The following SAMMSON variants were observed in gnomAD, a reference collection of about 807,000 sequenced individuals.
SAMMSON encodes the protein long intergenic non-protein coding RNA 1212.
chr3:70,188,804 G>GCCTC (rs1701110087), intron 4 of SAMMSON, among the ~76,000 whole-genome samples: 1 of 152,174 alleles, frequency 6.6e-6, no homozygotes, highest in Non-Finnish European at 1.5e-5. Context: ...GGCTCAGAGA[G>GCCTC]GTTTAGTTAC....
intron 7 of SAMMSON, among the ~76,000 whole-genome samples, chr3:70,301,423 A>G (rs1702347692): frequency 1.3e-5 from 2 of 152,072 alleles, no homozygotes; most frequent in Non-Finnish European, 1.5e-5. Context: ...TCTGAATCCT[A>G]TGGTAAACAG....
In SAMMSON at chr3:70,003,832, T is replaced by G. The variant is rs1255705463; in HGVS notation, n.22+3965T>G. ...TTAGTAAGTATCTGGTGACAAATTC[T>G]TCTAGTCTTTTAGAATGAAAATGTC... is the stretch of plus-strand genomic sequence containing the variant. On this transcript the variant is annotated intron_variant and non_coding_transcript_variant, in intron 1 of 9. Coordinates refer to ENST00000642114, the Ensembl canonical transcript of SAMMSON. Among the ~76,000 whole-genome samples, 4 of 152,070 alleles carry G rather than the reference T, an allele frequency of 2.6e-5. No individual in the cohort carries two copies. In the East Asian group the frequency reaches 7.7e-4, roughly 29 times the overall value.
chr3:70,077,810 A>G (rs1443959224), intron 4 of SAMMSON, among the ~76,000 whole-genome samples: 1 of 152,136 alleles, frequency 6.6e-6, no homozygotes, highest in Non-Finnish European at 1.5e-5. Flanking sequence ...TCCATTAGTA[A>G]TAGATACGCT....
downstream of SAMMSON, among the ~76,000 whole-genome samples, chr3:70,390,604 T>C (rs531807723): frequency 6.6e-6 from 1 of 152,068 alleles, no homozygotes; most frequent in East Asian, 1.9e-4. Context: ...TGACCAGATC[T>C]TGTGAGAACT....
chr3:70,207,441 A>G (rs2106725200), intron 4 of SAMMSON, among the ~76,000 whole-genome samples: 1 of 152,152 alleles, frequency 6.6e-6, no homozygotes, highest in Admixed American at 6.6e-5. Context: ...CACAATAGCT[A>G]GAGATGTTCA....
At chr3:70,191,825 A>G (rs767600810) in intron 4 of SAMMSON, among the ~76,000 whole-genome samples, 22 of 151,732 alleles carry the variant, frequency 1.4e-4, no homozygotes, top group Non-Finnish European at 2.9e-4. Flanking sequence ...ACCTTGTGAT[A>G]ATTGGTTATT....
chr3:70,098,348 G>A (rs150573694), intron 4 of SAMMSON, among the ~76,000 whole-genome samples: 1 of 152,090 alleles, frequency 6.6e-6, no homozygotes, highest in Non-Finnish European at 1.5e-5. Flanking sequence ...ACTGCCACCT[G>A]AGTGAGCTCT....
chr3:70,014,546 A>G (rs1046429330), intron 3 of SAMMSON: 2 of 152,208 alleles, frequency 1.3e-5, no homozygotes, highest in African/African-American at 2.4e-5. Context: ...AGCCAAATCC[A>G]TATGCATCGG....
At chr3:70,246,780 T>TA (rs1701711466) in intron 4 of SAMMSON, among the ~76,000 whole-genome samples, 1 of 152,068 alleles carries the variant, frequency 6.6e-6, no homozygotes, top group South Asian at 2.1e-4. Context: ...ATCATTGGTA[T>TA]AAAAAACATT....
At chr3:70,375,222 C>T (rs1290450733) in intron 9 of SAMMSON, among the ~76,000 whole-genome samples, 1 of 152,134 alleles carries the variant, frequency 6.6e-6, no homozygotes, top group Non-Finnish European at 1.5e-5. Context: ...TTCTCTGTGT[C>T]TCCCCTAAAT....
chr3:70,216,686 A>G (rs936257399), intron 4 of SAMMSON, among the ~76,000 whole-genome samples: 2 of 152,172 alleles, frequency 1.3e-5, no homozygotes, highest in African/African-American at 2.4e-5. Context: ...AGCTTATTGA[A>G]AAACATACTC....
intron 3 of SAMMSON, among the ~76,000 whole-genome samples, chr3:70,018,947 C>T (rs2066998762): frequency 6.6e-6 from 1 of 152,154 alleles, no homozygotes; most frequent in Admixed American, 6.5e-5. Context: ...GTCTGAGAGA[C>T]AGTTTGTTAT....
At chr3:70,251,058 G>C (rs9814331) in intron 6 of SAMMSON, among the ~76,000 whole-genome samples, 150,469 of 152,334 alleles carry the variant, frequency 0.99, 74,326 homozygotes, top group Non-Finnish European at 1. Flanking sequence ...TGCTGTACAC[G>C]GTTGAATCGT....
At chr3:70,145,485 G>GA (rs1208113393) in intron 4 of SAMMSON, among the ~76,000 whole-genome samples, 1 of 152,002 alleles carries the variant, frequency 6.6e-6, no homozygotes, top group Non-Finnish European at 1.5e-5. Flanking sequence ...TAAAATAGTT[G>GA]AAATCATTAA....
intron 4 of SAMMSON, chr3:70,120,042 C>T (rs2067426311): frequency 6.6e-6 from 1 of 152,114 alleles, no homozygotes; most frequent in South Asian, 2.1e-4. Flanking sequence ...CTTGACAGTT[C>T]TTCAATAAAG....
chr3:70,147,435 A>C (rs990455875), intron 4 of SAMMSON, among the ~76,000 whole-genome samples: 1 of 152,078 alleles, frequency 6.6e-6, no homozygotes, highest in Admixed American at 6.6e-5. Flanking sequence ...TAGCTGCAAT[A>C]GTCAAGACTG....
chr3:70,356,393 A>G (rs947426557), intron 8 of SAMMSON, among the ~76,000 whole-genome samples: 2 of 152,108 alleles, frequency 1.3e-5, no homozygotes, highest in African/African-American at 4.8e-5. Flanking sequence ...AATTTAACCA[A>G]CTTTAATCAA....
chr3:70,253,584 G>A (rs1701788913), intron 6 of SAMMSON, among the ~76,000 whole-genome samples: 1 of 152,168 alleles, frequency 6.6e-6, no homozygotes, highest in Non-Finnish European at 1.5e-5. Context: ...TTAGCCAGGT[G>A]TGGTGATGCA....
intron 2 of SAMMSON, among the ~76,000 whole-genome samples, chr3:70,420,439 T>A (rs1015473517): frequency 6.6e-6 from 1 of 152,216 alleles, no homozygotes; most frequent in Non-Finnish European, 1.5e-5. Context: ...TCATAGTGTC[T>A]ATTTTCCAAG....
Sources: allele counts gnomAD v4.1 joint callset (sites outside exome capture counted in the v4.1 genomes callset), GRCh38; gene constraint gnomAD v4.1.1; transcripts MANE v1.5; gene names NCBI Gene and HGNC (gene_info 2026-07-23, HGNC 2026-07-21).